PDGFRB: variants seen among roughly 807,000 people sequenced by gnomAD.
PDGFRB encodes the protein platelet-derived growth factor receptor beta.
In PDGFRB, 42 loss-of-function variants were observed where a neutral mutation model predicts 120.2. The ratio of observed to expected loss-of-function variants is 0.35; its 90% CI spans 0.27 to 0.45. The LOEUF is 0.45. Ranked by LOEUF, PDGFRB falls within the 20% of genes least tolerant of loss-of-function variation. PDGFRB has a pLI of 1.00. For missense variants in PDGFRB, 1,149 were observed against 1,476.3 expected, an observed-to-expected ratio of 0.78 and a Z score of 3.63; for synonymous variants, 586 against 606.8, an observed-to-expected ratio of 0.97 and a Z score of 0.50.
intron 22 of PDGFRB, 37 bp from the exon 23 acceptor site, chr5:150,115,983 G>A: frequency 6.5e-7 from 1 of 1,534,296 alleles, no homozygotes; most frequent in Non-Finnish European, 8.8e-7. Context: ...GGCTAGGAAG[G>A]AGCCCAGGAG....
intron 22 of PDGFRB, 59 bp from the exon 23 acceptor site, chr5:150,116,005 C>T (rs764320514): frequency 5.6e-5 from 83 of 1,493,668 alleles, no homozygotes; most frequent in Non-Finnish European, 7.0e-5. Context: ...ATTCCAGCAG[C>T]AGTCATGAAG....
In PDGFRB at chr5:150,120,491, G is replaced by C. The variant is rs570348818; in HGVS notation, c.2587-368C>G. On this transcript the variant is annotated intron_variant, in intron 18 of 22. Coordinates refer to ENST00000261799, the MANE Select transcript of PDGFRB (RefSeq NM_002609.4). The surrounding 1 kb of genome is among the most constrained non-coding windows in gnomAD (Gnocchi z 4.3). ...TCCATCTGGGGTTTGCGGAAAAGTG[G>C]GGAGATGAGAGACAGGCAGGATGAT... Among the ~76,000 whole-genome samples the C allele has an allele frequency of 1.3e-5, 2 of 152,266 alleles. No individual in the cohort carries two copies. The highest frequency in any genetic ancestry group is 4.8e-5 in the African/African-American group (2 of 41,550).
chr5:150,115,661 A>C lies in PDGFRB; in HGVS notation c.*102T>G. The C allele has an allele frequency of 8.8e-7, 1 of 1,130,922 alleles. No individual in the cohort carries two copies. The highest frequency in any genetic ancestry group is 1.2e-6 in the Non-Finnish European group (1 of 819,558). 70.1% of individuals were successfully genotyped at this position (1,130,922 alleles called of 1,614,324 possible). On this transcript the variant is annotated 3_prime_UTR_variant, in exon 23 of 23. Coordinates refer to ENST00000261799, the MANE Select transcript of PDGFRB (RefSeq NM_002609.4). ...AAGCTTCCAGAAGGGGACAGCTGAT[A>C]AGGGCAGCCTGGCTGACAGGAAGCC...
chr5:150,122,304 A>G (rs1217661583), intron 15 of PDGFRB: 1 of 444,648 alleles, frequency 2.2e-6, no homozygotes, highest in East Asian at 3.9e-5. Flanking sequence ...AGGTCACAAG[A>G]CGGGTGTGTT....
chr5:150,124,376 GC>G lies in PDGFRB; in HGVS notation c.1913-17del. On this transcript the variant is annotated splice_polypyrimidine_tract_variant and intron_variant, in intron 13 of 22. Coordinates refer to ENST00000261799, the MANE Select transcript of PDGFRB (RefSeq NM_002609.4). The stretch of plus-strand genomic sequence containing the variant: ...CGGGCTGTGGCTGAGGAAAATGGGG[GC>G]CCCAGGCCAGGCCCAGTCATGGAGG... 6.2e-7 allele frequency: 1 copy of G among 1,600,832 alleles called. No individual in the cohort carries two copies. The highest frequency in any genetic ancestry group is 8.6e-7 in the Non-Finnish European group (1 of 1,167,972).
In PDGFRB at chr5:150,136,909, G is replaced by C. The variant is rs996370381; in HGVS notation, c.40+99C>G. On this transcript the variant is annotated intron_variant, in intron 2 of 22. Transcript: ENST00000261799. ...GCTGAAGGGCAGGGCAGTGTGCCTGGTGCTTCACGCCCTGCCACCAGCACA... is the reference window on the plus strand; with the variant it reads ...GCTGAAGGGCAGGGCAGTGTGCCTGCTGCTTCACGCCCTGCCACCAGCACA... 29 of 897,396 alleles carry C rather than the reference G, an allele frequency of 3.2e-5. No individual in the cohort carries two copies. The African/African-American group carries it at 4.4e-4, about 14-fold the overall frequency. 55.6% of individuals were successfully genotyped at this position (897,396 alleles called of 1,614,324 possible).
At chr5:150,142,303 C>T (rs1338275237) in intron 1 of PDGFRB, among the ~76,000 whole-genome samples, 1 of 152,184 alleles carries the variant, frequency 6.6e-6, no homozygotes, top group Admixed American at 6.5e-5. Context: ...GCTGGTGGCT[C>T]AAGGCCCCAG....
Position 150,133,983 on chromosome 5 carries a change from G to A in PDGFRB, c.657C>T (p.Asn219=), listed in dbSNP as rs745467275. ...CCTGGCGGACCACAGTCTGCACTGC[G>A]TTCACAGAGACGTTGATGGATGACA... is the stretch of plus-strand genomic sequence containing the variant. The part of the protein sequence containing the change: ...LQVSSINVSV[N]AVQTVVRQGE... The change falls in exon 5 of 23, where the codon AAC becomes AAT. Residue 219 remains asparagine, a synonymous_variant. Coordinates refer to ENST00000261799, the MANE Select transcript of PDGFRB (RefSeq NM_002609.4). The A allele has an allele frequency of 1.9e-5, 31 of 1,613,980 alleles. No homozygotes were observed. Among genetic ancestry groups the A allele is most frequent in the African/African-American group, 1.1e-4 (8 of 75,044 alleles).
chr5:150,126,326 G>C (rs1414470155), intron 11 of PDGFRB, among the ~76,000 whole-genome samples, 194 bp downstream of exon 11: 1 of 152,134 alleles, frequency 6.6e-6, no homozygotes. Flanking sequence ...GATAGCTCGG[G>C]CCAGGCTCAG....
chr5:150,122,297 T>A (rs530541651), intron 15 of PDGFRB: 2 of 461,084 alleles, frequency 4.3e-6, no homozygotes, highest in East Asian at 7.4e-5. Flanking sequence ...AGGGCAAAGG[T>A]CACAAGACGG....
chr5:150,154,401 C>G (rs1226688860), intron 1 of PDGFRB, among the ~76,000 whole-genome samples: 1 of 152,152 alleles, frequency 6.6e-6, no homozygotes, highest in East Asian at 1.9e-4. Flanking sequence ...TATGTGGCTG[C>G]GTGAGCCTCA....
In PDGFRB at chr5:150,117,550, A is replaced by AGTG. The variant is rs1759993579; in HGVS notation, c.3137+67_3137+68insCAC. Reference sequence around the variant, plus strand: ...GCAGCGCGCGCGCGCGCGCGCACACACACACACACACACACACACACACAC... The same window carrying AGTG: ...GCAGCGCGCGCGCGCGCGCGCACACAGTGCACACACACACACACACACACACAC... On this transcript the variant is annotated intron_variant, in intron 22 of 22. Coordinates refer to ENST00000261799, the MANE Select transcript of PDGFRB (RefSeq NM_002609.4). 7.2e-6 allele frequency: 4 copies of AGTG among 552,426 alleles called. No homozygotes were observed. In the African/African-American group the frequency reaches 1.5e-4, roughly 21 times the overall value. The allele number at this position is 552,426 out of a possible 1,614,324, so 34.2% of individuals were successfully genotyped here. A position where few individuals can be genotyped will look rare whatever the true frequency, so the allele number is the denominator to read the frequency against.
chr5:150,133,956 A>C lies in PDGFRB; in HGVS notation c.684T>G (p.Gly228=). The change falls in exon 5 of 23, where the codon GGT becomes GGG. Residue 228 remains glycine, a synonymous_variant. Transcript: ENST00000261799. ...VNAVQTVVRQ[G]ENITLMCIVI... The stretch of plus-strand genomic sequence containing the variant: ...CAATGCACATGAGGGTGATGTTCTC[A>C]CCCTGGCGGACCACAGTCTGCACTG... The C allele has an allele frequency of 1.2e-6, 2 of 1,613,712 alleles. No individual in the cohort carries two copies. The highest frequency in any genetic ancestry group is 1.1e-5 in the South Asian group (1 of 91,060).
rs540094589 is a variant in PDGFRB at position 150,121,043 on chromosome 5, G to A, written c.2464-33C>T. 14 of 1,612,168 alleles carry A rather than the reference G, an allele frequency of 8.7e-6. No individual in the cohort carries two copies. In the East Asian group the frequency reaches 3.1e-4, roughly 36 times the overall value. On this transcript the variant is annotated intron_variant, in intron 17 of 22. Coordinates refer to ENST00000261799, the MANE Select transcript of PDGFRB (RefSeq NM_002609.4). This position sits in a 1 kb window ranked among gnomAD's most constrained non-coding sequence, Gnocchi z 4.1. ...TGGGGAGAGGGGAGCTGAGGCCTTG[G>A]GGACAATTGTGGGGAAAGACCCTTC...
chr5:150,121,002 G>A lies in PDGFRB; in HGVS notation c.2472C>T (p.His824=), dbSNP rs1760114204. 1 of 1,614,110 alleles carries A rather than the reference G, an allele frequency of 6.2e-7. No homozygotes were observed. Among genetic ancestry groups the A allele is most frequent in the Non-Finnish European group, 8.5e-7 (1 of 1,179,934 alleles). The change falls in exon 18 of 23, where the codon CAC becomes CAT. Residue 824 remains histidine (H), a synonymous_variant. Coordinates refer to ENST00000261799, the MANE Select transcript of PDGFRB (RefSeq NM_002609.4). This position sits in a 1 kb window ranked among gnomAD's most constrained non-coding sequence, Gnocchi z 4.1. ...GCACGTTCCTAGCCGCCAGGTCTCT[G>A]TGGACGCACTGGGTTTGGGGAGAGG... ...MEFLASKNCV[H]RDLAARNVLI... is the part of the protein sequence containing the mutation.
At chr5:150,123,794 G>A (rs1760212780) in intron 14 of PDGFRB, among the ~76,000 whole-genome samples, 1 of 152,168 alleles carries the variant, frequency 6.6e-6, no homozygotes, top group Non-Finnish European at 1.5e-5. Flanking sequence ...TGCAAATGGT[G>A]ATAACATTTT....
At chr5:150,127,075 G>A (rs1429052748) in intron 10 of PDGFRB, among the ~76,000 whole-genome samples, 2 of 152,228 alleles carry the variant, frequency 1.3e-5, no homozygotes, top group African/African-American at 2.4e-5. Flanking sequence ...CCGGTGGACT[G>A]AGTGAGTGGC....
rs56899708 is a variant in PDGFRB, at chr5:150,127,833, TAAAAAAAAA to T, written c.1580-1228_1580-1220del. Among the ~76,000 whole-genome samples, 19 of 62,432 alleles carry T rather than the reference TAAAAAAAAA, an allele frequency of 3.0e-4. 1 individual carries two copies. Among genetic ancestry groups the T allele is most frequent in the African/African-American group, 1.0e-3 (14 of 13,496 alleles). 41.0% of individuals were successfully genotyped at this position (62,432 alleles called of 152,430 possible). A position where few individuals can be genotyped will look rare whatever the true frequency, so the allele number is the denominator to read the frequency against. On this transcript the variant is annotated intron_variant, in intron 10 of 22. Coordinates refer to ENST00000261799, the MANE Select transcript of PDGFRB (RefSeq NM_002609.4). ...TGGGCAACAGAGCCAGACTCCATCT[TAAAAAAAAA>T]AAAAAAAAAAAAAAAAACTTTGGAT...
intron 9 of PDGFRB, 37 bp downstream of exon 9, chr5:150,130,502 T>G (rs772241767): frequency 6.2e-7 from 1 of 1,600,172 alleles, no homozygotes; most frequent in South Asian, 1.1e-5. Flanking sequence ...TCTAGCCAGC[T>G]GGGGACACTG....
Sources: allele counts gnomAD v4.1 joint callset (sites outside exome capture counted in the v4.1 genomes callset), GRCh38; gene constraint gnomAD v4.1.1; non-coding constraint Gnocchi (gnomAD v3.1); transcripts MANE v1.5; gene names NCBI Gene and HGNC (gene_info 2026-07-23, HGNC 2026-07-21).